Variants in WNT7B observed in about 807,000 individuals in gnomAD.
WNT7B encodes the protein Wnt family member 7B.
In WNT7B, 19 loss-of-function variants were observed where a neutral mutation model predicts 38.2. The observed-to-expected ratio is 0.50, with a 90% confidence interval of 0.35 to 0.73. The LOEUF is 0.73. Ranked by LOEUF, WNT7B falls within the 30% of genes least tolerant of loss-of-function variation. The probability of loss-of-function intolerance (pLI) is 0.01; values close to 1 mark genes in which losing one functional copy is unlikely to be tolerated. For missense variants in WNT7B, 423 were observed against 507.9 expected, an observed-to-expected ratio of 0.83 and a Z score of 1.61; for synonymous variants, 243 against 209.3, an observed-to-expected ratio of 1.16 and a Z score of -1.39.
chr22:45,927,485 G>A (rs936274134), intron 3 of WNT7B: 24 of 1,549,742 alleles, frequency 1.5e-5, no homozygotes, highest in East Asian at 9.8e-5. Flanking sequence ...TCAGAGCCTC[G>A]GCAAGTGACT....
chr22:45,920,532 G>C lies in WNT7B; in HGVS notation c.*2324C>G, dbSNP rs899748856. The C allele has an allele frequency of 5.3e-5, 8 of 151,744 alleles. No homozygotes were observed. The highest frequency in any genetic ancestry group is 1.9e-4 in the African/African-American group (8 of 41,278). The allele number at this position is 151,744 out of a possible 1,614,324, so 9.4% of individuals were successfully genotyped here. A position where few individuals can be genotyped will look rare whatever the true frequency, so the allele number is the denominator to read the frequency against. On this transcript the variant is annotated 3_prime_UTR_variant, in exon 4 of 4. Coordinates refer to ENST00000339464, the MANE Select transcript of WNT7B (RefSeq NM_058238.3). ...TTGCTGGCAGACTTTGGGGTGGGCA[G>C]GGGCTCAGTGGGGTGCCCGGCAGCC...
intron 2 of WNT7B, among the ~76,000 whole-genome samples, chr22:45,937,590 G>A (rs992905824): frequency 5.9e-5 from 9 of 151,916 alleles, no homozygotes; most frequent in East Asian, 1.9e-4. Flanking sequence ...TGTCCCTGGC[G>A]TACACCTGGG....
chr22:45,928,334 C>T (rs375741254), intron 3 of WNT7B, among the ~76,000 whole-genome samples: 83 of 152,316 alleles, frequency 5.4e-4, no homozygotes, highest in South Asian at 3.1e-3. Context: ...CTCCCACTGC[C>T]GTGATGCCAC....
intron 3 of WNT7B, chr22:45,925,247 G>A (rs1601713370): frequency 1.0e-6 from 1 of 982,414 alleles, no homozygotes; most frequent in Non-Finnish European, 1.2e-6. Context: ...GTGCTGTGTG[G>A]GCCCTAGGCT....
At chr22:45,945,172 C>T (rs1931764995) in intron 2 of WNT7B, among the ~76,000 whole-genome samples, 1 of 152,134 alleles carries the variant, frequency 6.6e-6, no homozygotes, top group African/African-American at 2.4e-5. Flanking sequence ...CAACCTCCAC[C>T]ACCCGGGTTC....
intron 2 of WNT7B, among the ~76,000 whole-genome samples, chr22:45,943,400 G>A (rs916835597): frequency 4.6e-5 from 7 of 152,246 alleles, no homozygotes; most frequent in Non-Finnish European, 8.8e-5. Flanking sequence ...CACGCCAAGC[G>A]GCAGGCCCCC....
Position 45,923,000 on chromosome 22 carries a change from G to A in WNT7B, c.906C>T (p.Asp302=), listed in dbSNP as rs77993233. ...GGCCGCAGCACATGGTGTCACAGCC[G>A]TCCGCGCCGGGCGACGTGCGGTTGC... ...RLCNRTSPGA[D]GCDTMCCGRG... Residue 302 remains aspartate, a synonymous_variant, in exon 4 of 4, where the codon GAC becomes GAT. Coordinates refer to ENST00000339464, the MANE Select transcript of WNT7B (RefSeq NM_058238.3). 1,955 of 1,613,018 alleles carry A rather than the reference G, an allele frequency of 1.2e-3. 17 individuals carry two copies. In the African/African-American group the frequency reaches 0.022, roughly 18 times the overall value.
rs1436714478 is a variant in WNT7B at position 45,936,241 on chromosome 22, C to T, written c.299-4872G>A. ...CTGTGTTCCCATTTGATACATGGAA[C>T]TCAAAATCCTCACCTTGCTGCACAG... On this transcript the variant is annotated intron_variant, in intron 2 of 3. Transcript: ENST00000339464. 11 of 906,522 alleles carry T rather than the reference C, an allele frequency of 1.2e-5. 1 individual carries two copies. In the East Asian group the frequency reaches 8.3e-4, roughly 68 times the overall value. The allele number at this position is 906,522 out of a possible 1,614,324, so 56.2% of individuals were successfully genotyped here.
intron 2 of WNT7B, among the ~76,000 whole-genome samples, chr22:45,942,645 G>GCACCTAAT (rs57538180): frequency 0.032 from 4,845 of 152,304 alleles, 264 homozygotes; most frequent in African/African-American, 0.11. Flanking sequence ...CTCACACCCT[G>GCACCTAAT]CACCTAATTC....
At chr22:45,958,241 C>T (rs865973724) in intron 1 of WNT7B, among the ~76,000 whole-genome samples, 2 of 152,262 alleles carry the variant, frequency 1.3e-5, no homozygotes, top group Non-Finnish European at 1.5e-5. Context: ...GACACCGTCT[C>T]TGCCAAGGCC....
In WNT7B at chr22:45,976,681, C is replaced by G; in HGVS notation, c.71+3G>C. ...CTGCTGCCCTCGCCCACGGGGTACT[C>G]ACCCGAGCTTCACGTACAGGACGCC... On this transcript the variant is annotated splice_donor_region_variant and intron_variant, in intron 1 of 3. Transcript: ENST00000339464. The surrounding 1 kb of genome is among the most constrained non-coding windows in gnomAD (Gnocchi z 8.5). 6.2e-7 allele frequency: 1 copy of G among 1,607,696 alleles called. No individual in the cohort carries two copies. Among genetic ancestry groups the G allele is most frequent in the Non-Finnish European group, 8.5e-7 (1 of 1,176,538 alleles).
chr22:45,970,765 T>C (rs765433982), intron 1 of WNT7B, among the ~76,000 whole-genome samples: 8 of 152,074 alleles, frequency 5.3e-5, no homozygotes, highest in Non-Finnish European at 1.0e-4. Flanking sequence ...AGTCCCCTGG[T>C]TGATCCAGTT....
intron 1 of WNT7B, among the ~76,000 whole-genome samples, chr22:45,969,063 G>A (rs1932372778): frequency 1.3e-5 from 2 of 152,222 alleles, no homozygotes; most frequent in Non-Finnish European, 2.9e-5. Flanking sequence ...GGGCCATGGT[G>A]CCATGGGAGT....
At chr22:45,943,944 G>A (rs1399129158) in intron 2 of WNT7B, among the ~76,000 whole-genome samples, 1 of 152,176 alleles carries the variant, frequency 6.6e-6, no homozygotes, top group African/African-American at 2.4e-5. Context: ...CCAGGGCTCT[G>A]GAGCCTTTGC....
intron 2 of WNT7B, among the ~76,000 whole-genome samples, chr22:45,933,880 C>T (rs1166768233): frequency 1.3e-5 from 2 of 152,156 alleles, no homozygotes; most frequent in Non-Finnish European, 2.9e-5. Flanking sequence ...GAGAATGTCT[C>T]GCAAGCAGGT....
intron 3 of WNT7B, chr22:45,926,945 C>A (rs970165262): frequency 5.1e-6 from 5 of 985,464 alleles, no homozygotes; most frequent in Non-Finnish European, 6.0e-6. Context: ...AAGGGCTGTG[C>A]CAAGACGTGG....
At chr22:45,938,649 G>A (rs941273686) in intron 2 of WNT7B, among the ~76,000 whole-genome samples, 10 of 151,808 alleles carry the variant, frequency 6.6e-5, no homozygotes, top group African/African-American at 9.7e-5. Flanking sequence ...AAAAAAAAAA[G>A]AGAGGTACAA....
At position 45,931,495 on chromosome 22, in the gene WNT7B, G is replaced by A. The variant is rs572369980; in HGVS notation, c.299-126C>T. 2.1e-4 allele frequency: 254 copies of A among 1,184,672 alleles called. 1 individual carries two copies. The African/African-American group carries it at 3.4e-3, about 16-fold the overall frequency. 73.4% of individuals were successfully genotyped at this position (1,184,672 alleles called of 1,614,324 possible). A position where few individuals can be genotyped will look rare whatever the true frequency, so the allele number is the denominator to read the frequency against. On this transcript the variant is annotated intron_variant, in intron 2 of 3. Transcript: ENST00000339464. ...TTGTGTGACCCTGGGCTCATCGCTC[G>A]CCCCCTCTGTGCCTCTGACTCACCA...
intron 2 of WNT7B, among the ~76,000 whole-genome samples, chr22:45,937,458 A>AG (rs1931540685): frequency 6.6e-6 from 1 of 152,238 alleles, no homozygotes. Flanking sequence ...GGGCACACAC[A>AG]GTCCTGGGGG....
Sources: gnomAD v4.1 joint callset for allele counts (sites outside exome capture counted in the v4.1 genomes callset) on GRCh38, gnomAD v4.1.1 for gene constraint, Gnocchi (gnomAD v3.1) non-coding constraint, MANE v1.5 for transcripts, NCBI Gene and HGNC (gene_info 2026-07-23, HGNC 2026-07-21) for gene names.